Variants in GPC5 observed in about 807,000 individuals in gnomAD.
The protein encoded by GPC5 is glypican 5.
GPC5 carries 47 observed loss-of-function variants against 53.9 expected under a neutral mutation model. That is an observed-to-expected ratio of 0.87 (90% CI 0.69 to 1.11). The LOEUF is 1.11. Ranked by LOEUF, GPC5 falls within the 50% of genes most tolerant of loss-of-function variation. The pLI is 0.00. For missense variants in GPC5, 748 were observed against 713.1 expected, an observed-to-expected ratio of 1.05 and a Z score of -0.56; for synonymous variants, 286 against 263.3, an observed-to-expected ratio of 1.09 and a Z score of -0.84.
intron 2 of GPC5, among the ~76,000 whole-genome samples, chr13:91,590,149 CTTTATT>C (rs965946528): frequency 3.3e-5 from 5 of 151,374 alleles, no homozygotes; most frequent in African/African-American, 9.7e-5. Flanking sequence ...AGAAAAAGTT[CTTTATT>C]TTTATTTTTA....
chr13:91,401,161 C>T (rs923463410), intron 1 of GPC5, among the ~76,000 whole-genome samples: 7 of 151,822 alleles, frequency 4.6e-5, no homozygotes, highest in Non-Finnish European at 8.8e-5. Context: ...GATTTAGATC[C>T]ACCCCCCAAA....
At chr13:92,006,029 T>G (rs2040603669) in intron 6 of GPC5, among the ~76,000 whole-genome samples, 1 of 152,162 alleles carries the variant, frequency 6.6e-6, no homozygotes, top group South Asian at 2.1e-4. Flanking sequence ...CCCCAAGACA[T>G]GAAAGAAAAT....
intron 6 of GPC5, among the ~76,000 whole-genome samples, chr13:91,975,889 A>G (rs1327600219): frequency 6.6e-6 from 1 of 152,248 alleles, no homozygotes; most frequent in Non-Finnish European, 1.5e-5. Flanking sequence ...CAACAATGAT[A>G]GACTGGATTA....
chr13:92,291,704 C>A (rs1213059662), intron 7 of GPC5, among the ~76,000 whole-genome samples: 1 of 152,176 alleles, frequency 6.6e-6, no homozygotes, highest in Non-Finnish European at 1.5e-5. Flanking sequence ...ATAAATCTTG[C>A]TGCTACTCCC....
intron 2 of GPC5, among the ~76,000 whole-genome samples, chr13:91,572,140 T>TATACGTGTGTATATACACAC (rs1491244886): frequency 7.0e-6 from 1 of 142,068 alleles, no homozygotes; most frequent in African/African-American, 2.8e-5. Context: ...TATACACATA[T>TATACGTGTGTATATACACAC]GTATATATAC....
At chr13:92,168,395 A>C (rs1278291939) in intron 7 of GPC5, among the ~76,000 whole-genome samples, 2 of 152,226 alleles carry the variant, frequency 1.3e-5, no homozygotes, top group Admixed American at 6.5e-5. Flanking sequence ...ATCAGAGTGA[A>C]CAGGCAGCCT....
intron 5 of GPC5, among the ~76,000 whole-genome samples, chr13:91,819,889 C>T (rs1342463590): frequency 6.6e-6 from 1 of 152,114 alleles, no homozygotes; most frequent in Non-Finnish European, 1.5e-5. Flanking sequence ...CCACATCCTC[C>T]GCAACACATA....
intron 7 of GPC5, among the ~76,000 whole-genome samples, chr13:92,370,004 A>G (rs747805013): frequency 6.6e-6 from 1 of 152,110 alleles, no homozygotes; most frequent in Admixed American, 6.6e-5. Context: ...CTTTAGTAAT[A>G]CTCTCCTTAA....
At chr13:91,900,251 C>T (rs1372756661) in intron 5 of GPC5, among the ~76,000 whole-genome samples, 1 of 152,030 alleles carries the variant, frequency 6.6e-6, no homozygotes, top group East Asian at 1.9e-4. Flanking sequence ...TACTCTAAAT[C>T]ATTTTGTTGT....
chr13:92,485,411 C>A (rs376905546), intron 7 of GPC5, among the ~76,000 whole-genome samples: 1 of 151,916 alleles, frequency 6.6e-6, no homozygotes, highest in East Asian at 1.9e-4. Flanking sequence ...AAAGGCATAG[C>A]CTTTACTCTC....
At chr13:91,799,958 T>G (rs1026117849) in intron 5 of GPC5, among the ~76,000 whole-genome samples, 20 of 152,250 alleles carry the variant, frequency 1.3e-4, no homozygotes, top group African/African-American at 4.6e-4. Flanking sequence ...CACAACTTCC[T>G]GACTCATATT....
In GPC5 at chr13:92,089,306, C is replaced by T. The variant is rs368146713; in HGVS notation, c.1402-55524C>T. ...AAAATTAGCCAGGCATTGTGGCGGG[C>T]GGCTGTAGTCCCAGCTACTCAGGAG... On this transcript the variant is annotated intron_variant, in intron 6 of 7. Transcript: ENST00000377067. Among the ~76,000 whole-genome samples, 36 of 151,268 alleles carry T rather than the reference C, an allele frequency of 2.4e-4. No individual in the cohort carries two copies. In the East Asian group the frequency reaches 4.5e-3, roughly 19 times the overall value.
intron 6 of GPC5, among the ~76,000 whole-genome samples, chr13:92,008,800 CAT>C (rs1244212822): frequency 2.0e-5 from 3 of 152,102 alleles, no homozygotes; most frequent in African/African-American, 7.2e-5. Flanking sequence ...TACAGTTTCA[CAT>C]ATGTTGTAAT....
At chr13:91,692,581 T>G (rs533633098) in intron 2 of GPC5, among the ~76,000 whole-genome samples, 17 of 152,346 alleles carry the variant, frequency 1.1e-4, no homozygotes, top group African/African-American at 3.6e-4. Context: ...CTATCATTAG[T>G]GAGTTATGAA....
chr13:92,244,191 A>G (rs990400599), intron 7 of GPC5, among the ~76,000 whole-genome samples: 2 of 152,178 alleles, frequency 1.3e-5, no homozygotes, highest in South Asian at 4.1e-4. Context: ...CTTGTCACAG[A>G]TTACTTAAAG....
At chr13:92,659,583 T>A (rs1458548754) in intron 7 of GPC5, among the ~76,000 whole-genome samples, 1 of 152,144 alleles carries the variant, frequency 6.6e-6, no homozygotes, top group Non-Finnish European at 1.5e-5. Flanking sequence ...TGTGTAACCA[T>A]ATTCATCCAT....
intron 7 of GPC5, among the ~76,000 whole-genome samples, chr13:92,300,040 TCTCTCCATAA>T (rs2043064951): frequency 6.6e-6 from 1 of 152,190 alleles, no homozygotes; most frequent in East Asian, 1.9e-4. Context: ...AATTGATTAA[TCTCTCCATAA>T]GGAATGAAAC....
chr13:92,292,091 G>A lies in GPC5; in HGVS notation c.1561+147102G>A, dbSNP rs188309199. On this transcript the variant is annotated intron_variant, in intron 7 of 7. Transcript: ENST00000377067. ...TTCTTTATCCACTTGTTGATTGATG[G>A]GCATTTGGGTTGGTTCCACATTTTT... Among the ~76,000 whole-genome samples, 175 of 152,304 alleles carry A rather than the reference G, an allele frequency of 1.1e-3. 1 individual carries two copies. Among genetic ancestry groups the A allele is most frequent in the African/African-American group, 3.9e-3 (164 of 41,568 alleles).
intron 2 of GPC5, among the ~76,000 whole-genome samples, chr13:91,658,377 T>C (rs147475821): frequency 7.0e-6 from 1 of 142,006 alleles, no homozygotes; most frequent in African/African-American, 3.0e-5. Flanking sequence ...TTTCATATTT[T>C]GGGGGAATTT....
Sources: gnomAD v4.1 joint callset for allele counts (sites outside exome capture counted in the v4.1 genomes callset) on GRCh38, gnomAD v4.1.1 for gene constraint, MANE v1.5 for transcripts, NCBI Gene and HGNC (gene_info 2026-07-23, HGNC 2026-07-21) for gene names.